FBXL7: variants seen among roughly 807,000 people sequenced by gnomAD.
The protein encoded by FBXL7 is F-box and leucine rich repeat protein 7.
FBXL7 carries 12 observed loss-of-function variants against 38.3 expected under a neutral mutation model. The observed-to-expected ratio is 0.31, with a 90% CI of 0.20 to 0.51. FBXL7 has a LOEUF of 0.51. Among genes scored for constraint, FBXL7 ranks in the 20% least tolerant of loss-of-function variants. The pLI, the probability that FBXL7 is intolerant of heterozygous loss-of-function variation, is 0.98. For missense variants in FBXL7, 567 were observed against 676.4 expected, an observed-to-expected ratio of 0.84 and a Z score of 1.79; for synonymous variants, 297 against 300.9, an observed-to-expected ratio of 0.99 and a Z score of 0.13.
At chr5:15,767,577 A>G (rs888596011) in intron 2 of FBXL7, among the ~76,000 whole-genome samples, 1 of 152,192 alleles carries the variant, frequency 6.6e-6, no homozygotes, top group African/African-American at 2.4e-5. Flanking sequence ...AAACCAGCAA[A>G]CATACATGGA....
At chr5:15,619,026 C>T (rs1740538629) in intron 2 of FBXL7, among the ~76,000 whole-genome samples, 1 of 152,102 alleles carries the variant, frequency 6.6e-6, no homozygotes, top group South Asian at 2.1e-4. Context: ...TAACGGTGAT[C>T]CTAGGACTTT....
At chr5:15,744,700 T>G (rs1735971345) in intron 2 of FBXL7, among the ~76,000 whole-genome samples, 1 of 152,200 alleles carries the variant, frequency 6.6e-6, no homozygotes, top group African/African-American at 2.4e-5. Context: ...CAATTTAGTG[T>G]ATTAATCCAT....
In FBXL7 at chr5:15,840,845, C is replaced by CAA. The variant is rs34448584; in HGVS notation, c.128-87024_128-87023dup. On this transcript the variant is annotated intron_variant, in intron 2 of 3. Transcript: ENST00000504595. The stretch of plus-strand genomic sequence containing the variant: ...CTGGCAACAGAGCAAGACTCTGTCT[C>CAA]AAAAAAAAAAAAAAAAAAAAAAGTT... Among the ~76,000 whole-genome samples the CAA allele has an allele frequency of 4.2e-3, 353 of 83,262 alleles. 2 individuals are homozygous for CAA. The highest frequency in any genetic ancestry group is 0.015 in the African/African-American group (324 of 22,204). 54.6% of individuals were successfully genotyped at this position (83,262 alleles called of 152,430 possible).
At position 15,500,456 on chromosome 5, in the gene FBXL7, G is replaced by C; in HGVS notation, c.-221G>C. Reference sequence around the variant, plus strand: ...AGCGCGGATTGTAAGTGCTGCAGCTGTGCCCGGCCCCGCCTGGAGCCACCG... The same window carrying C: ...AGCGCGGATTGTAAGTGCTGCAGCTCTGCCCGGCCCCGCCTGGAGCCACCG... On this transcript the variant is annotated 5_prime_UTR_variant, in exon 1 of 4. Transcript: ENST00000504595. 1.7e-6 allele frequency: 1 copy of C among 596,092 alleles called. No individual in the cohort carries two copies. The highest frequency in any genetic ancestry group is 2.0e-5 in the South Asian group (1 of 50,486). The allele number at this position is 596,092 out of a possible 1,614,324, so 36.9% of individuals were successfully genotyped here.
chr5:15,887,356 A>G (rs558709425), intron 2 of FBXL7, among the ~76,000 whole-genome samples: 18 of 152,278 alleles, frequency 1.2e-4, no homozygotes, highest in African/African-American at 3.6e-4. Context: ...GGAGGAACAT[A>G]TGTGGAAGGG....
At chr5:15,695,160 A>T (rs1018505052) in intron 2 of FBXL7, among the ~76,000 whole-genome samples, 3 of 152,122 alleles carry the variant, frequency 2.0e-5, no homozygotes, top group Non-Finnish European at 4.4e-5. Flanking sequence ...AAGGAAAAGG[A>T]AAGATGACCT....
intron 2 of FBXL7, among the ~76,000 whole-genome samples, chr5:15,797,829 A>G (rs1737457050): frequency 6.6e-6 from 1 of 152,240 alleles, no homozygotes; most frequent in Non-Finnish European, 1.5e-5. Context: ...TGTGTTTTTA[A>G]AAATATACGT....
chr5:15,503,556 T>C (rs568184287), intron 1 of FBXL7, among the ~76,000 whole-genome samples: 13 of 152,346 alleles, frequency 8.5e-5, no homozygotes, highest in African/African-American at 3.1e-4. Context: ...CTGTAACCAA[T>C]CTTGCTGTTT....
At chr5:15,538,140 T>G (rs941096984) in intron 1 of FBXL7, among the ~76,000 whole-genome samples, 2 of 152,208 alleles carry the variant, frequency 1.3e-5, no homozygotes, top group African/African-American at 4.8e-5. Flanking sequence ...TCTCCCCTAT[T>G]AAACACATTC....
chr5:15,794,556 A>G (rs1737364848), intron 2 of FBXL7, among the ~76,000 whole-genome samples: 1 of 152,198 alleles, frequency 6.6e-6, no homozygotes, highest in African/African-American at 2.4e-5. Context: ...AAACAGGAAG[A>G]CGTGTTTTAA....
intron 2 of FBXL7, among the ~76,000 whole-genome samples, chr5:15,806,743 A>T (rs1253192630): frequency 6.6e-6 from 1 of 152,182 alleles, no homozygotes; most frequent in Non-Finnish European, 1.5e-5. Context: ...AATGCGCCAC[A>T]GGAGACAGGG....
intron 1 of FBXL7, among the ~76,000 whole-genome samples, chr5:15,513,978 G>A (rs2126360978): frequency 6.6e-6 from 1 of 152,234 alleles, no homozygotes; most frequent in South Asian, 2.1e-4. Flanking sequence ...TGGAGAGGCA[G>A]TATTTCCTTG....
intron 2 of FBXL7, among the ~76,000 whole-genome samples, chr5:15,684,915 T>C (rs1288123648): frequency 1.3e-5 from 2 of 152,180 alleles, no homozygotes; most frequent in South Asian, 2.1e-4. Context: ...TAATGTCAAA[T>C]AATCATGTGC....
At chr5:15,634,290 C>T (rs865903632) in intron 2 of FBXL7, among the ~76,000 whole-genome samples, 12 of 147,638 alleles carry the variant, frequency 8.1e-5, no homozygotes, top group African/African-American at 3.0e-4. Flanking sequence ...AACAAATCAA[C>T]CTAAAACTTT....
rs1255460234 is a variant in FBXL7, at chr5:15,564,749, G to A, written c.38-51234G>A. Reference sequence around the variant, plus strand: ...GAAGGTTTCCGACACTAAATCTACAGAAATCCATTTAGCCAGAGTTGTGTG... The same window carrying A: ...GAAGGTTTCCGACACTAAATCTACAAAAATCCATTTAGCCAGAGTTGTGTG... On this transcript the variant is annotated intron_variant, in intron 1 of 3. Transcript: ENST00000504595. Among the ~76,000 whole-genome samples the A allele has an allele frequency of 5.3e-5, 8 of 152,036 alleles. No homozygotes were observed. In the Middle Eastern group the frequency reaches 0.01, roughly 194 times the overall value.
chr5:15,588,837 G>A (rs1739377399), intron 1 of FBXL7, among the ~76,000 whole-genome samples: 2 of 152,122 alleles, frequency 1.3e-5, no homozygotes, highest in African/African-American at 2.4e-5. Context: ...ATGAGTTTTT[G>A]AAGGTCTATA....
At chr5:15,728,582 C>T (rs1228805070) in intron 2 of FBXL7, among the ~76,000 whole-genome samples, 1 of 152,108 alleles carries the variant, frequency 6.6e-6, no homozygotes, top group Non-Finnish European at 1.5e-5. Flanking sequence ...TTATGTTCTA[C>T]AATTTTAAAA....
chr5:15,742,831 T>C (rs887495828), intron 2 of FBXL7, among the ~76,000 whole-genome samples: 1 of 151,950 alleles, frequency 6.6e-6, no homozygotes, highest in Non-Finnish European at 1.5e-5. Flanking sequence ...ATGGCTGGAG[T>C]GGCCTCAGGA....
intron 1 of FBXL7, among the ~76,000 whole-genome samples, chr5:15,546,567 C>CA (rs987026867): frequency 1.2e-4 from 18 of 150,196 alleles, no homozygotes; most frequent in African/African-American, 2.4e-4. Flanking sequence ...ACTCTGTCTC[C>CA]AAAAAAAACA....
Sources: allele counts gnomAD v4.1 joint callset (sites outside exome capture counted in the v4.1 genomes callset), GRCh38; gene constraint gnomAD v4.1.1; transcripts MANE v1.5; gene names NCBI Gene and HGNC (gene_info 2026-07-23, HGNC 2026-07-21).